Variants in SF3B3 observed in about 807,000 individuals in gnomAD.
The protein encoded by SF3B3 is splicing factor 3b subunit 3, also known as SAP 130.
Under a neutral mutation model 139.2 loss-of-function variants are expected in SF3B3, and 33 were observed. The ratio of observed to expected loss-of-function variants is 0.24; its 90% CI spans 0.18 to 0.32. The LOEUF is 0.32. Ranked by LOEUF, SF3B3 falls within the 10% of genes least tolerant of loss-of-function variation. The pLI is 1.00. For synonymous variants in SF3B3, 596 were observed against 563.6 expected (o/e 1.06, Z -0.81); for missense variants, 818 against 1,509.4 (o/e 0.54, Z 7.59).
chr16:70,551,177 G>A (rs1395322677), intron 11 of SF3B3, among the ~76,000 whole-genome samples: 1 of 152,150 alleles, frequency 6.6e-6, no homozygotes, highest in African/African-American at 2.4e-5. Context: ...GGCAAGGCAA[G>A]TAGAAGAAAA....
At chr16:70,556,438 A>G in intron 14 of SF3B3, 104 bp downstream of exon 14, 1 of 1,324,548 alleles carries the variant, frequency 7.5e-7, no homozygotes, top group Middle Eastern at 1.9e-4. Context: ...CTCTGAGATC[A>G]GCTGGGTTAG....
At position 70,577,340 on chromosome 16, in the gene SF3B3, C is replaced by G. The variant is rs1026770955; in HGVS notation, c.*5527C>G. On this transcript the variant is annotated 3_prime_UTR_variant, in exon 26 of 26. Coordinates refer to ENST00000302516, the MANE Select transcript of SF3B3 (RefSeq NM_012426.5). ...GAGAGGGCACCGTGCGGTGTTCAGG[C>G]TTCTGTGAGGCCCCAGTGAGATCCT... The G allele has an allele frequency of 6.6e-6, 1 of 152,284 alleles. No homozygotes were observed. Among genetic ancestry groups the G allele is most frequent in the Admixed American group, 6.5e-5 (1 of 15,288 alleles). The allele number at this position is 152,284 out of a possible 1,614,324, so 9.4% of individuals were successfully genotyped here.
chr16:70,554,392 C>G, intron 11 of SF3B3, 54 bp from the exon 12 acceptor site: 2 of 1,564,440 alleles, frequency 1.3e-6, no homozygotes, highest in Non-Finnish European at 1.8e-6. Flanking sequence ...TTTCATTTGG[C>G]TTTGTAATTC....
rs1364704692 is a variant in SF3B3, at chr16:70,575,199, T to TC, written c.*3386_*3387insC. 17 of 141,888 alleles carry TC rather than the reference T, an allele frequency of 1.2e-4. No homozygotes were observed. The highest frequency in any genetic ancestry group is 2.1e-4 in the Admixed American group (3 of 14,308). The allele number at this position is 141,888 out of a possible 1,614,324, so 8.8% of individuals were successfully genotyped here. A position where few individuals can be genotyped will look rare whatever the true frequency, so the allele number is the denominator to read the frequency against. ...TCTTTTTCTTTTTCTTTTTTTTCTTTTTTTTTTTTTTTTTTTTGAGATGAA... is the reference window on the plus strand; with the variant it reads ...TCTTTTTCTTTTTCTTTTTTTTCTTTCTTTTTTTTTTTTTTTTTGAGATGAA... On this transcript the variant is annotated 3_prime_UTR_variant, in exon 26 of 26. Coordinates refer to ENST00000302516, the MANE Select transcript of SF3B3 (RefSeq NM_012426.5).
In SF3B3 at chr16:70,569,087, T is replaced by C. The variant is rs1268080586; in HGVS notation, c.3210T>C (p.Pro1070=). ...PNTNDEVDED[P]TGNKALWDRG... The stretch of plus-strand genomic sequence containing the variant: ...CCAATGATGAAGTAGATGAGGATCC[T>C]ACAGGAAACAAAGCCCTGTGGGACC... The change falls in exon 23 of 26, where the codon CCT becomes CCC. Residue 1070 remains proline (P), a synonymous_variant. Coordinates refer to ENST00000302516, the MANE Select transcript of SF3B3 (RefSeq NM_012426.5). 2 of 1,609,826 alleles carry C rather than the reference T, an allele frequency of 1.2e-6. No homozygotes were observed.
At chr16:70,527,211 C>G (rs1375279835) in intron 2 of SF3B3, among the ~76,000 whole-genome samples, 4 of 152,158 alleles carry the variant, frequency 2.6e-5, no homozygotes, top group Admixed American at 6.5e-5. Flanking sequence ...TGCATAGAAA[C>G]AGATAATTTG....
At chr16:70,532,740 A>G (rs76426267) in intron 5 of SF3B3, 120 bp downstream of exon 5, 5 of 747,720 alleles carry the variant, frequency 6.7e-6, no homozygotes, top group African/African-American at 2.1e-5. Context: ...TGAATACCTT[A>G]TCTTTTGGAC....
rs565583403 is a variant in SF3B3 at position 70,546,534 on chromosome 16, C to A, written c.1330-1836C>A. On this transcript the variant is annotated intron_variant, in intron 10 of 25. Coordinates refer to ENST00000302516, the MANE Select transcript of SF3B3 (RefSeq NM_012426.5). Reference sequence around the variant, plus strand: ...GAGAGTGGTGGTGGGTGTCTGTAATCCCAGCTACTCAGGAGACTAAGGCAG... The same window carrying A: ...GAGAGTGGTGGTGGGTGTCTGTAATACCAGCTACTCAGGAGACTAAGGCAG... Among the ~76,000 whole-genome samples, 12 of 152,080 alleles carry A rather than the reference C, an allele frequency of 7.9e-5. No homozygotes were observed. The South Asian group carries it at 8.3e-4, about 11-fold the overall frequency.
At chr16:70,566,113 CAAA>C (rs112893145) in intron 20 of SF3B3, among the ~76,000 whole-genome samples, 1 of 117,696 alleles carries the variant, frequency 8.5e-6, no homozygotes. Flanking sequence ...GTGAGACTGT[CAAA>C]AAAAAAAAAA....
Position 70,575,474 on chromosome 16 carries a change from C to T in SF3B3, c.*3661C>T, listed in dbSNP as rs12446907. 0.055 allele frequency: 8,350 copies of T among 152,444 alleles called. 320 individuals carry two copies. The highest frequency in any genetic ancestry group is 0.092 in the Middle Eastern group (27 of 294). 9.4% of individuals were successfully genotyped at this position (152,444 alleles called of 1,614,324 possible). A position where few individuals can be genotyped will look rare whatever the true frequency, so the allele number is the denominator to read the frequency against. On this transcript the variant is annotated 3_prime_UTR_variant, in exon 26 of 26. Coordinates refer to ENST00000302516, the MANE Select transcript of SF3B3 (RefSeq NM_012426.5). ...TTGGTCTCCCAAAGCGCTGGGATTA[C>T]AGGCGTGAGCCACTGCACTTGGCCA...
intron 19 of SF3B3, 47 bp downstream of exon 19, chr16:70,565,317 C>A (rs566850250): frequency 1.9e-6 from 3 of 1,613,390 alleles, no homozygotes; most frequent in East Asian, 2.2e-5. Context: ...GGAACAGGAG[C>A]TCTCTGAGTT....
chr16:70,536,469 T>A (rs2050168353), intron 6 of SF3B3, among the ~76,000 whole-genome samples: 1 of 151,952 alleles, frequency 6.6e-6, no homozygotes, highest in African/African-American at 2.4e-5. Flanking sequence ...GTTCACGCCA[T>A]TTCTCCTGCC....
Position 70,525,300 on chromosome 16 carries a change from T to A in SF3B3, c.-70-1287T>A, listed in dbSNP as rs551704621. Reference sequence around the variant, plus strand: ...CCTCGGCCTCCCAAAGTGCTGGGATTACAGGCGTGAGCCACCACTGCGCCT... The same window carrying A: ...CCTCGGCCTCCCAAAGTGCTGGGATAACAGGCGTGAGCCACCACTGCGCCT... On this transcript the variant is annotated intron_variant, in intron 1 of 25. Transcript: ENST00000302516. Among the ~76,000 whole-genome samples the A allele has an allele frequency of 3.5e-4, 54 of 152,308 alleles. 1 individual carries two copies. The highest frequency in any genetic ancestry group is 1.2e-3 in the African/African-American group (51 of 41,578).
rs767698114 is a variant in SF3B3 at position 70,548,354 on chromosome 16, C to T, written c.1330-16C>T. ...GCATGCTCACTGGATCTGTGGCTTC[C>T]CTCTTCTCCTGTCAGGTGTCAGAAA... On this transcript the variant is annotated splice_polypyrimidine_tract_variant and intron_variant, in intron 10 of 25. Coordinates refer to ENST00000302516, the MANE Select transcript of SF3B3 (RefSeq NM_012426.5). The T allele has an allele frequency of 6.2e-7, 1 of 1,612,332 alleles. No homozygotes were observed. The highest frequency in any genetic ancestry group is 1.7e-5 in the Admixed American group (1 of 60,018).
At position 70,565,634 on chromosome 16, in the gene SF3B3, C is replaced by G. The variant is rs1330632473; in HGVS notation, c.2826+110C>G. On this transcript the variant is annotated intron_variant, in intron 20 of 25. Transcript: ENST00000302516. ...GGGACCAGCTCCTTGATTCCAATCT[C>G]TCTCTTACCAGCACATGGAAAATGC... 5.2e-6 allele frequency: 5 copies of G among 970,750 alleles called. No individual in the cohort carries two copies. The East Asian group carries it at 7.6e-5, about 15-fold the overall frequency. The allele number at this position is 970,750 out of a possible 1,614,324, so 60.1% of individuals were successfully genotyped here.
chr16:70,547,810 G>C (rs1243285087), intron 10 of SF3B3, among the ~76,000 whole-genome samples: 1 of 152,140 alleles, frequency 6.6e-6, no homozygotes, highest in African/African-American at 2.4e-5. Context: ...AGCTGGTCTT[G>C]AACTCCTGAC....
Position 70,572,214 on chromosome 16 carries a change from G to T in SF3B3, c.*401G>T. 4.5e-6 allele frequency: 2 copies of T among 445,136 alleles called. No individual in the cohort carries two copies. Among genetic ancestry groups the T allele is most frequent in the Admixed American group, 4.8e-5 (2 of 41,462 alleles). 27.6% of individuals were successfully genotyped at this position (445,136 alleles called of 1,614,324 possible). A position where few individuals can be genotyped will look rare whatever the true frequency, so the allele number is the denominator to read the frequency against. On this transcript the variant is annotated 3_prime_UTR_variant, in exon 26 of 26. Transcript: ENST00000302516. Reference sequence around the variant, plus strand: ...TGTGGGAGGAAGGAGGCAGGCTGTGGTGGGACTGGGTAGGGTATAGTATCA... The same window carrying T: ...TGTGGGAGGAAGGAGGCAGGCTGTGTTGGGACTGGGTAGGGTATAGTATCA...
rs550220982 is a variant in SF3B3, at chr16:70,560,017, G to T, written c.2011-452G>T. On this transcript the variant is annotated intron_variant, in intron 15 of 25. Coordinates refer to ENST00000302516, the MANE Select transcript of SF3B3 (RefSeq NM_012426.5). ...TAACATGACCCCACTATTTGTAGGG[G>T]TTTCCTTGCCTTGTTGCACAATAAA... 2.0e-4 allele frequency among the ~76,000 whole-genome samples: 31 copies of T among 152,198 alleles called. No homozygotes were observed. The South Asian group carries it at 2.5e-3, about 12-fold the overall frequency.
Position 70,574,838 on chromosome 16 carries a change from G to C in SF3B3, c.*3025G>C, listed in dbSNP as rs2050562650. On this transcript the variant is annotated 3_prime_UTR_variant, in exon 26 of 26. Coordinates refer to ENST00000302516, the MANE Select transcript of SF3B3 (RefSeq NM_012426.5). Reference sequence around the variant, plus strand: ...CAAAGTAAAAATGACATGTGTTTGAGTCATCCACTTGCTCATTTGCATATG... The same window carrying C: ...CAAAGTAAAAATGACATGTGTTTGACTCATCCACTTGCTCATTTGCATATG... The C allele has an allele frequency of 6.6e-6, 1 of 152,188 alleles. No homozygotes were observed. The highest frequency in any genetic ancestry group is 1.5e-5 in the Non-Finnish European group (1 of 68,044). 9.4% of individuals were successfully genotyped at this position (152,188 alleles called of 1,614,324 possible).
Sources: allele counts gnomAD v4.1 joint callset (sites outside exome capture counted in the v4.1 genomes callset), GRCh38; gene constraint gnomAD v4.1.1; transcripts MANE v1.5; gene names NCBI Gene and HGNC (gene_info 2026-07-23, HGNC 2026-07-21).